Variants in ZKSCAN1 observed in about 807,000 individuals in gnomAD.
ZKSCAN1 encodes the protein zinc finger protein with KRAB and SCAN domains 1.
A neutral mutation model predicts 51.6 loss-of-function variants in ZKSCAN1; 14 were observed. The observed-to-expected ratio is 0.27, with a 90% CI of 0.18 to 0.42. The LOEUF (loss-of-function observed/expected upper bound fraction) is 0.42. Among genes scored for constraint, ZKSCAN1 ranks in the 10% least tolerant of loss-of-function variants. The pLI is 1.00. For missense variants in ZKSCAN1, 531 were observed against 710.0 expected (o/e 0.75, Z 2.86); for synonymous variants, 263 against 261.5 (o/e 1.01, Z -0.06).
Position 100,023,400 on chromosome 7 carries a change from C to G in ZKSCAN1, c.-88-19C>G, listed in dbSNP as rs1790673602. The G allele has an allele frequency of 1.5e-6, 2 of 1,307,366 alleles. No individual in the cohort carries two copies. Among genetic ancestry groups the G allele is most frequent in the Non-Finnish European group, 1.0e-6 (1 of 956,904 alleles). 81.0% of individuals were successfully genotyped at this position (1,307,366 alleles called of 1,614,324 possible). ...TTTTTGTAAAGGTACGTACTAATGA[C>G]TTTTTTTTTATACTTCAGGAATAGT... On this transcript the variant is annotated intron_variant, in intron 1 of 5. Coordinates refer to ENST00000324306, the MANE Select transcript of ZKSCAN1 (RefSeq NM_003439.4).
downstream of ZKSCAN1, among the ~76,000 whole-genome samples, chr7:100,043,484 ATCC>A (rs60932062): frequency 0.23 from 34,745 of 151,654 alleles, 4,758 homozygotes; most frequent in Middle Eastern, 0.42. Context: ...GACTCAAGCA[ATCC>A]TCCTATTTCA....
chr7:100,032,664 C>G (rs1791157760), intron 5 of ZKSCAN1, among the ~76,000 whole-genome samples: 1 of 152,066 alleles, frequency 6.6e-6, no homozygotes, highest in South Asian at 2.1e-4. Flanking sequence ...AGTTTGAGAG[C>G]AGTCTGGCCA....
At chr7:100,024,612 G>T in intron 3 of ZKSCAN1, 1 of 288,648 alleles carries the variant, frequency 3.5e-6, no homozygotes, top group Admixed American at 4.9e-5. Flanking sequence ...TTACAGAAAA[G>T]AATTAGGCTC....
chr7:100,019,647 C>T (rs182831089), intron 1 of ZKSCAN1, among the ~76,000 whole-genome samples: 80 of 152,220 alleles, frequency 5.3e-4, no homozygotes, highest in Middle Eastern at 3.4e-3. Flanking sequence ...CTGCCTCTAC[C>T]ATATACTTGC....
At position 100,023,641 on chromosome 7, in the gene ZKSCAN1, G is replaced by A. The variant is rs893464892; in HGVS notation, c.135G>A (p.Gln45=). ...TGTGGGGGCAGGATTCCACCCTACAGGACACGCCTCCTCCAGACCCAGAGA... is the reference window on the plus strand; with the variant it reads ...TGTGGGGGCAGGATTCCACCCTACAAGACACGCCTCCTCCAGACCCAGAGA... The part of the protein sequence containing the change: ...DHMWGQDSTL[Q]DTPPPDPEIF... The change falls in exon 2 of 6, where the codon CAG becomes CAA. Residue 45 remains glutamine, a synonymous_variant. Coordinates refer to ENST00000324306, the MANE Select transcript of ZKSCAN1 (RefSeq NM_003439.4). The A allele has an allele frequency of 2.0e-5, 32 of 1,614,022 alleles. No individual in the cohort carries two copies. Among genetic ancestry groups the A allele is most frequent in the Non-Finnish European group, 2.5e-5 (29 of 1,180,056 alleles).
chr7:100,024,228 G>A lies in ZKSCAN1; in HGVS notation c.501G>A (p.Ser167=), dbSNP rs748558829. Reference sequence around the variant, plus strand: ...CTCTGGATCCAGTTCAGGAGTCCTCGAGCTTTGACCTTCATCACGAGGCCA... The same window carrying A: ...CTCTGGATCCAGTTCAGGAGTCCTCAAGCTTTGACCTTCATCACGAGGCCA... ...MVPLDPVQES[S]SFDLHHEATQ... Residue 167 remains serine (S), a synonymous_variant, in exon 3 of 6, where the codon TCG becomes TCA. Coordinates refer to ENST00000324306, the MANE Select transcript of ZKSCAN1 (RefSeq NM_003439.4). The A allele has an allele frequency of 1.2e-5, 20 of 1,613,916 alleles. No homozygotes were observed. Among genetic ancestry groups the A allele is most frequent in the East Asian group, 6.7e-5 (3 of 44,896 alleles).
Position 100,034,655 on chromosome 7 carries a change from A to C in ZKSCAN1, c.*458A>C. The C allele has an allele frequency of 1.4e-6, 1 of 694,072 alleles. No homozygotes were observed. Among genetic ancestry groups the C allele is most frequent in the Non-Finnish European group, 1.8e-6 (1 of 562,010 alleles). The allele number at this position is 694,072 out of a possible 1,614,324, so 43.0% of individuals were successfully genotyped here. A position where few individuals can be genotyped will look rare whatever the true frequency, so the allele number is the denominator to read the frequency against. The stretch of plus-strand genomic sequence containing the variant: ...TTCTCAAAAAAGAGGGACAGTGAAA[A>C]CAAAAACGACATTGGGACATGCTGC... On this transcript the variant is annotated 3_prime_UTR_variant, in exon 6 of 6. Transcript: ENST00000324306.
rs750680760 is a variant in ZKSCAN1, at chr7:100,024,195, G to C, written c.468G>C (p.Gly156=). 6.2e-7 allele frequency: 1 copy of C among 1,614,122 alleles called. No individual in the cohort carries two copies. Among genetic ancestry groups the C allele is most frequent in the South Asian group, 1.1e-5 (1 of 91,068 alleles). ...QVHGPEMLAR[G]MVPLDPVQES... ...ATGGACCTGAGATGCTCGCAAGGGG[G>C]ATGGTGCCTCTGGATCCAGTTCAGG... Residue 156 remains glycine (G), a synonymous_variant, in exon 3 of 6, where the codon GGG becomes GGC. Transcript: ENST00000324306.
In ZKSCAN1 at chr7:100,038,082, A is replaced by C. The variant is rs1317872834; in HGVS notation, c.*3885A>C. 6 of 985,264 alleles carry C rather than the reference A, an allele frequency of 6.1e-6. No homozygotes were observed. Among genetic ancestry groups the C allele is most frequent in the Non-Finnish European group, 7.2e-6 (6 of 829,940 alleles). 61.0% of individuals were successfully genotyped at this position (985,264 alleles called of 1,614,324 possible). A position where few individuals can be genotyped will look rare whatever the true frequency, so the allele number is the denominator to read the frequency against. On this transcript the variant is annotated 3_prime_UTR_variant, in exon 6 of 6. Transcript: ENST00000324306. The stretch of plus-strand genomic sequence containing the variant: ...CTGCAGAGGATCTACAGATGAAAAA[A>C]AATGTGGGGAAATGCTTTAAAAAAA...
chr7:100,021,862 A>G (rs1230332294), intron 1 of ZKSCAN1, among the ~76,000 whole-genome samples: 1 of 150,252 alleles, frequency 6.7e-6, no homozygotes, highest in East Asian at 2.0e-4. Flanking sequence ...CTCCCACCTT[A>G]GCCTCCTGAG....
intron 3 of ZKSCAN1, among the ~76,000 whole-genome samples, chr7:100,026,037 G>A (rs1274577483): frequency 1.3e-5 from 2 of 151,912 alleles, no homozygotes; most frequent in African/African-American, 2.4e-5. Flanking sequence ...CCTGACCAAC[G>A]TGGAGAAACC....
At chr7:100,043,083 A>T (rs924447465), downstream of ZKSCAN1, among the ~76,000 whole-genome samples, 1 of 151,976 alleles carries the variant, frequency 6.6e-6, no homozygotes. Flanking sequence ...TACAGGCGTG[A>T]GCCACCGCAC....
At chr7:100,043,585 G>A (rs1791650570), downstream of ZKSCAN1, among the ~76,000 whole-genome samples, 1 of 151,428 alleles carries the variant, frequency 6.6e-6, no homozygotes, top group East Asian at 2.0e-4. Flanking sequence ...TGTTGCCCAG[G>A]CTGGTCTCAA....
intron 3 of ZKSCAN1, among the ~76,000 whole-genome samples, chr7:100,027,005 G>GA (rs1009687560): frequency 4.2e-4 from 63 of 149,522 alleles, no homozygotes; most frequent in African/African-American, 1.4e-3. Context: ...TCTCAAAAAA[G>GA]AAAAAAAAAG....
At chr7:100,041,728 C>T, downstream of ZKSCAN1, 1 of 985,304 alleles carries the variant, frequency 1.0e-6, no homozygotes, top group African/African-American at 1.7e-5. Flanking sequence ...TTGTTTTTCT[C>T]ATCCTTGGTT....
chr7:100,037,753 C>T lies in ZKSCAN1; in HGVS notation c.*3556C>T, dbSNP rs1367869411. On this transcript the variant is annotated 3_prime_UTR_variant, in exon 6 of 6. Transcript: ENST00000324306. Reference sequence around the variant, plus strand: ...TCAATCTTGGCCGGGCGCCGTGGCTCACGCCTGTAATCGCAGCACTTTGGG... The same window carrying T: ...TCAATCTTGGCCGGGCGCCGTGGCTTACGCCTGTAATCGCAGCACTTTGGG... 1.0e-6 allele frequency: 1 copy of T among 983,422 alleles called. No homozygotes were observed. Among genetic ancestry groups the T allele is most frequent in the African/African-American group, 1.7e-5 (1 of 57,194 alleles). The allele number at this position is 983,422 out of a possible 1,614,324, so 60.9% of individuals were successfully genotyped here.
chr7:100,020,838 A>G (rs1790557757), intron 1 of ZKSCAN1, among the ~76,000 whole-genome samples: 1 of 152,184 alleles, frequency 6.6e-6, no homozygotes, highest in Non-Finnish European at 1.5e-5. Flanking sequence ...TTTGATGCTT[A>G]GTTTTGATGG....
In ZKSCAN1 at chr7:100,038,374, A is replaced by G. The variant is rs1791453411; in HGVS notation, c.*4177A>G. 1.0e-6 allele frequency: 1 copy of G among 985,360 alleles called. No individual in the cohort carries two copies. The highest frequency in any genetic ancestry group is 1.2e-6 in the Non-Finnish European group (1 of 829,948). 61.0% of individuals were successfully genotyped at this position (985,360 alleles called of 1,614,324 possible). ...ACAGAACGGAGCAGCGGGGAGAGGA[A>G]GGGAAAAGCTTCATAGTTTGGTGCT... is the stretch of plus-strand genomic sequence containing the variant. On this transcript the variant is annotated 3_prime_UTR_variant, in exon 6 of 6. Coordinates refer to ENST00000324306, the MANE Select transcript of ZKSCAN1 (RefSeq NM_003439.4).
chr7:100,036,440 G>T lies in ZKSCAN1; in HGVS notation c.*2243G>T. 2 of 985,464 alleles carry T rather than the reference G, an allele frequency of 2.0e-6. No individual in the cohort carries two copies. The highest frequency in any genetic ancestry group is 2.4e-6 in the Non-Finnish European group (2 of 829,934). 61.0% of individuals were successfully genotyped at this position (985,464 alleles called of 1,614,324 possible). A position where few individuals can be genotyped will look rare whatever the true frequency, so the allele number is the denominator to read the frequency against. ...GCCCTCTAGAAAGCAACTGAGGCCA[G>T]GTGCGGTGGCTCACGCCTGTAATCC... On this transcript the variant is annotated 3_prime_UTR_variant, in exon 6 of 6. Transcript: ENST00000324306.
Sources: allele counts gnomAD v4.1 joint callset (sites outside exome capture counted in the v4.1 genomes callset), GRCh38; gene constraint gnomAD v4.1.1; transcripts MANE v1.5; gene names NCBI Gene and HGNC (gene_info 2026-07-23, HGNC 2026-07-21).